PLEKHO1: variants seen among roughly 807,000 people sequenced by gnomAD.
The protein encoded by PLEKHO1 is pleckstrin homology domain-containing family O member 1.
Under a neutral mutation model 41.4 loss-of-function variants are expected in PLEKHO1, and 22 were observed. That is an observed-to-expected ratio of 0.53 (90% CI 0.38 to 0.76). The LOEUF is 0.76. Ranked by LOEUF, PLEKHO1 falls within the 30% of genes least tolerant of loss-of-function variation. PLEKHO1 has a pLI of 0.00. For synonymous variants in PLEKHO1, 225 were observed against 210.8 expected (o/e 1.07, Z -0.58); for missense variants, 488 against 518.3 (o/e 0.94, Z 0.57).
rs1200491722 is a variant in PLEKHO1 at position 150,159,580 on chromosome 1, T to C, written c.*57T>C. ...GGACAGACTCTTATCTCCGTGTTGC[T>C]GGATAAAGCTTTTTTATTTACCTCA... is the stretch of plus-strand genomic sequence containing the variant. On this transcript the variant is annotated 3_prime_UTR_variant, in exon 6 of 6. Transcript: ENST00000369124. 6.0e-6 allele frequency: 7 copies of C among 1,161,486 alleles called. No homozygotes were observed. In the African/African-American group the frequency reaches 1.1e-4, roughly 18 times the overall value. The allele number at this position is 1,161,486 out of a possible 1,614,324, so 71.9% of individuals were successfully genotyped here.
chr1:150,152,352 G>A (rs968687647), intron 2 of PLEKHO1, among the ~76,000 whole-genome samples: 2 of 152,282 alleles, frequency 1.3e-5, no homozygotes, highest in South Asian at 4.1e-4. Flanking sequence ...ATCCAGGCAG[G>A]AATGCAGTGG....
At chr1:150,152,726 G>GT (rs1345493179) in intron 2 of PLEKHO1, 1 of 118,848 alleles carries the variant, frequency 8.4e-6, no homozygotes, top group Admixed American at 9.5e-5. Flanking sequence ...GTGTCAAAGT[G>GT]TATCTCCTGT....
chr1:150,158,998 C>A lies in PLEKHO1; in HGVS notation c.705C>A (p.Asp235Glu). The part of the protein sequence containing the change: ...ADSDRIQPSA[D>E]RASSLSRPWE... ...CAGACCGCATCCAGCCCTCCGCAGA[C>A]CGGGCAAGCAGTCTCTCCCGACCTT... The change falls in exon 6 of 6, where the codon GAC (aspartate) becomes GAA (glutamate). Residue 235 changes from aspartate to glutamate, a missense_variant. By Grantham distance (45) the Asp-to-Glu change is conservative. Around this residue, in one of 3 missense-constraint regions of PLEKHO1, gnomAD observed 337 missense variants for 324.6 expected, o/e 1.04. Coordinates refer to ENST00000369124, the MANE Select transcript of PLEKHO1 (RefSeq NM_016274.6). 6.2e-7 allele frequency: 1 copy of A among 1,614,186 alleles called. No individual in the cohort carries two copies. Among genetic ancestry groups the A allele is most frequent in the Non-Finnish European group, 8.5e-7 (1 of 1,180,016 alleles).
intron 2 of PLEKHO1, chr1:150,155,855 G>C: frequency 1.9e-6 from 1 of 525,880 alleles, no homozygotes; most frequent in Admixed American, 3.3e-5. Flanking sequence ...GGTTTAAACA[G>C]AAACACACCT....
At position 150,158,978 on chromosome 1, in the gene PLEKHO1, C is replaced by A. The variant is rs139280863; in HGVS notation, c.685C>A (p.Arg229Ser). Residue 229 changes from arginine (R) to serine (S), a missense_variant, in exon 6 of 6, where the codon CGC becomes AGC. Coordinates refer to ENST00000369124, the MANE Select transcript of PLEKHO1 (RefSeq NM_016274.6). ...GAGCCGGCGGAGAGCGGACTCAGAC[C>A]GCATCCAGCCCTCCGCAGACCGGGC... ...AGSRRRADSD[R>S]IQPSADRASS... 5.0e-6 allele frequency: 8 copies of A among 1,614,172 alleles called. No homozygotes were observed. Among genetic ancestry groups the A allele is most frequent in the Admixed American group, 1.7e-5 (1 of 60,024 alleles).
In PLEKHO1 at chr1:150,157,467, G is replaced by A. The variant is rs1660220867; in HGVS notation, c.506G>A (p.Arg169Lys). The stretch of plus-strand genomic sequence containing the variant: ...CAGCACTCCCGCCGCCCCCCAACAA[G>A]GGGACACCTAATGGCTGTGGTATGT... ...KIQHSRRPPT[R>K]GHLMAVASTS... The change falls in exon 5 of 6, where the codon AGG becomes AAG. Residue 169 changes from arginine to lysine, a missense_variant. By Grantham distance (26) the Arg-to-Lys change is conservative. Around this residue, in one of 3 missense-constraint regions of PLEKHO1, gnomAD observed 337 missense variants for 324.6 expected, o/e 1.04. Transcript: ENST00000369124. 3.1e-6 allele frequency: 5 copies of A among 1,612,934 alleles called. No homozygotes were observed. The highest frequency in any genetic ancestry group is 4.2e-6 in the Non-Finnish European group (5 of 1,178,926).
At chr1:150,158,033 C>T (rs1660250274) in intron 5 of PLEKHO1, among the ~76,000 whole-genome samples, 2 of 152,168 alleles carry the variant, frequency 1.3e-5, no homozygotes, top group African/African-American at 4.8e-5. Flanking sequence ...TCATGCCTGC[C>T]TTGAAGGGCT....
At chr1:150,150,759 T>A (rs1167047039) in intron 1 of PLEKHO1, 153 bp from the exon 2 acceptor site, 1 of 637,132 alleles carries the variant, frequency 1.6e-6, no homozygotes, top group African/African-American at 1.9e-5. Context: ...TGAAAACCTT[T>A]CCGAAGTGGG....
At position 150,159,674 on chromosome 1, in the gene PLEKHO1, G is replaced by T; in HGVS notation, c.*151G>T. 1 of 577,020 alleles carries T rather than the reference G, an allele frequency of 1.7e-6. No homozygotes were observed. The allele number at this position is 577,020 out of a possible 1,614,324, so 35.7% of individuals were successfully genotyped here. On this transcript the variant is annotated 3_prime_UTR_variant, in exon 6 of 6. Transcript: ENST00000369124. ...GCCTGACCCCACTACAACCCTTATTGCCCCACCTACTTTCCATATGCCCCT... is the reference window on the plus strand; with the variant it reads ...GCCTGACCCCACTACAACCCTTATTTCCCCACCTACTTTCCATATGCCCCT...
At chr1:150,150,880 A>T (rs1553818724) in intron 1 of PLEKHO1, 32 bp from the exon 2 acceptor site, 1 of 1,608,050 alleles carries the variant, frequency 6.2e-7, no homozygotes, top group Admixed American at 1.7e-5. Flanking sequence ...GGAATCTCCT[A>T]ACCGCCCGCT....
At chr1:150,151,231 G>A (rs1553818945) in intron 2 of PLEKHO1, among the ~76,000 whole-genome samples, 173 bp downstream of exon 2, 1 of 152,162 alleles carries the variant, frequency 6.6e-6, no homozygotes, top group Non-Finnish European at 1.5e-5. Flanking sequence ...GAGAAGACCA[G>A]AGTGAGAATT....
chr1:150,150,785 G>A, intron 1 of PLEKHO1, 127 bp from the exon 2 acceptor site: 2 of 788,662 alleles, frequency 2.5e-6, no homozygotes, highest in Non-Finnish European at 2.0e-6. Context: ...ACCTGGGGCG[G>A]CCCCCCGCCC....
In PLEKHO1 at chr1:150,150,263, G is replaced by T; in HGVS notation, c.6G>T (p.Met2Ile). 8.9e-7 allele frequency: 1 copy of T among 1,117,952 alleles called. No individual in the cohort carries two copies. Among genetic ancestry groups the T allele is most frequent in the Non-Finnish European group, 1.1e-6 (1 of 907,092 alleles). 69.3% of individuals were successfully genotyped at this position (1,117,952 alleles called of 1,614,324 possible). A position where few individuals can be genotyped will look rare whatever the true frequency, so the allele number is the denominator to read the frequency against. M[M>I]KKNNSAKRGP... is the part of the protein sequence containing the mutation. Reference sequence around the variant, plus strand: ...CGCGCCCGCGCCCGCTGGGAATGATGAAGAAGAACAATTCCGCCAAGCGGG... The same window carrying T: ...CGCGCCCGCGCCCGCTGGGAATGATTAAGAAGAACAATTCCGCCAAGCGGG... Residue 2 changes from methionine (M) to isoleucine (I), a missense_variant, in exon 1 of 6, where the codon ATG becomes ATT. By Grantham distance (10) the Met-to-Ile change is conservative (BLOSUM62 1). This residue lies in a region of PLEKHO1 where 92 missense variants were observed against 82.3 expected (regional missense o/e 1.12). Transcript: ENST00000369124.
chr1:150,152,300 A>G (rs587596161), intron 2 of PLEKHO1, among the ~76,000 whole-genome samples: 1 of 152,198 alleles, frequency 6.6e-6, no homozygotes, highest in South Asian at 2.1e-4. Context: ...TTGGTGATGG[A>G]AAGTCTTAGG....
Position 150,159,054 on chromosome 1 carries a change from C to G in PLEKHO1, c.761C>G (p.Thr254Ser). 1.2e-6 allele frequency: 2 copies of G among 1,613,858 alleles called. No individual in the cohort carries two copies. Among genetic ancestry groups the G allele is most frequent in the Non-Finnish European group, 1.7e-6 (2 of 1,179,768 alleles). ...WEKTDKGATY[T>S]PQAPKKLTPT... ...AAAACAGACAAAGGGGCCACCTACA[C>G]CCCCCAGGCACCCAAGAAGTTGACG... The change falls in exon 6 of 6, where the codon ACC becomes AGC. Residue 254 changes from threonine (T) to serine (S), a missense_variant. Thr to Ser is a moderately conservative substitution (Grantham distance 58, BLOSUM62 1). Coordinates refer to ENST00000369124, the MANE Select transcript of PLEKHO1 (RefSeq NM_016274.6).
In PLEKHO1 at chr1:150,151,112, C is replaced by G. The variant is rs371203990; in HGVS notation, c.177+54C>G. On this transcript the variant is annotated intron_variant, in intron 2 of 5. Coordinates refer to ENST00000369124, the MANE Select transcript of PLEKHO1 (RefSeq NM_016274.6). ...TTTTCTCATAGCCCCCACTTTGTCA[C>G]TCCCCAAGGGCTCGCCTAGCTTACT... 6.9e-6 allele frequency: 11 copies of G among 1,600,416 alleles called. No homozygotes were observed. The African/African-American group carries it at 1.3e-4, about 20-fold the overall frequency.
At chr1:150,154,510 G>GCCT (rs1553819911) in intron 2 of PLEKHO1, 8 of 152,324 alleles carry the variant, frequency 5.3e-5, no homozygotes, top group Non-Finnish European at 1.2e-4. Context: ...TCCAGGTCCA[G>GCCT]CAGCAGTTCA....
At position 150,159,368 on chromosome 1, in the gene PLEKHO1, C is replaced by T. The variant is rs587694517; in HGVS notation, c.1075C>T (p.Leu359=). The change falls in exon 6 of 6, where the codon CTG becomes TTG. Residue 359 remains leucine, a synonymous_variant. Coordinates refer to ENST00000369124, the MANE Select transcript of PLEKHO1 (RefSeq NM_016274.6). ...GCTGCTGCTGGAGACGGAACGGCTGCTGGGAGAGGCATCATCGAATTGGAG... is the reference window on the plus strand; with the variant it reads ...GCTGCTGCTGGAGACGGAACGGCTGTTGGGAGAGGCATCATCGAATTGGAG... The part of the protein sequence containing the change: ...EQLLLETERL[L]GEASSNWSQA... 2.5e-5 allele frequency: 40 copies of T among 1,614,182 alleles called. No homozygotes were observed. The South Asian group carries it at 4.2e-4, about 17-fold the overall frequency.
Position 150,159,251 on chromosome 1 carries a change from CAG to C in PLEKHO1, c.959_960del (p.Gln320ArgfsTer27). 6.2e-7 allele frequency: 1 copy of C among 1,614,180 alleles called. No homozygotes were observed. Among genetic ancestry groups the C allele is most frequent in the Non-Finnish European group, 8.5e-7 (1 of 1,180,016 alleles). On this transcript the variant is annotated frameshift_variant, in exon 6 of 6. Transcript: ENST00000369124. LOFTEE classifies it high-confidence loss of function. ...DLVARKLEET[Q>X]ELLAEVQGLG... ...GGTAGCAAGGAAACTGGAGGAGACTCAGGAGCTTCTGGCAGAGGTTCAGGGAC... is the reference window on the plus strand; with the variant it reads ...GGTAGCAAGGAAACTGGAGGAGACTCGAGCTTCTGGCAGAGGTTCAGGGAC...
Sources: gnomAD v4.1 joint callset for allele counts (sites outside exome capture counted in the v4.1 genomes callset) on GRCh38, gnomAD v4.1.1 for gene constraint, gnomAD v4.1.1 regional missense constraint, MANE v1.5 for transcripts, NCBI Gene and HGNC (gene_info 2026-07-23, HGNC 2026-07-21) for gene names.